Variants in GLIS3 observed in about 807,000 individuals in gnomAD.
The protein encoded by GLIS3 is GLIS family zinc finger 3, also known as zinc finger protein GLIS3.
A neutral mutation model predicts 78.6 loss-of-function variants in GLIS3; 53 were observed. The observed-to-expected ratio is 0.67, with a 90% CI of 0.54 to 0.85. The LOEUF is 0.85. GLIS3 is among the 40% of genes least tolerant of loss of function. The pLI is 0.00. For missense variants in GLIS3, 1,703 were observed against 1,231.1 expected (o/e 1.38, Z -5.74); for synonymous variants, 684 against 509.9 (o/e 1.34, Z -4.60).
chr9:4,335,034 G>T, intron 2 of GLIS3, among the ~76,000 whole-genome samples: 1 of 145,270 alleles, frequency 6.9e-6, no homozygotes, highest in South Asian at 2.3e-4. Flanking sequence ...TCAGCCTCCC[G>T]AGTAGCTGGG....
chr9:3,998,688 T>C (rs1193963476), intron 4 of GLIS3, among the ~76,000 whole-genome samples: 8 of 151,214 alleles, frequency 5.3e-5, no homozygotes, highest in Admixed American at 5.3e-4. Flanking sequence ...GTTAGAATTC[T>C]TTTCTTTCTG....
intron 2 of GLIS3, among the ~76,000 whole-genome samples, chr9:4,255,263 G>T (rs541798120): frequency 1.3e-5 from 2 of 152,168 alleles, no homozygotes; most frequent in African/African-American, 4.8e-5. Context: ...AGTGCTGGTG[G>T]GTATGCAAAA....
chr9:4,066,893 C>A (rs1441042972), intron 4 of GLIS3, among the ~76,000 whole-genome samples: 1 of 152,190 alleles, frequency 6.6e-6, no homozygotes, highest in African/African-American at 2.4e-5. Context: ...CAGCGGGCAT[C>A]TTTCCGTGGA....
chr9:4,115,637 C>G (rs1192759571), intron 4 of GLIS3, among the ~76,000 whole-genome samples: 2 of 151,944 alleles, frequency 1.3e-5, no homozygotes, highest in Non-Finnish European at 2.9e-5. Context: ...ACAAATCAAG[C>G]AGATGACAAT....
intron 4 of GLIS3, among the ~76,000 whole-genome samples, chr9:4,079,435 G>C (rs1040757396): frequency 1.3e-5 from 2 of 152,168 alleles, no homozygotes; most frequent in Non-Finnish European, 2.9e-5. Flanking sequence ...AAAGCAAAAA[G>C]GGAGCCCACC....
At chr9:3,923,022 C>T (rs1487111743) in intron 6 of GLIS3, among the ~76,000 whole-genome samples, 1 of 152,140 alleles carries the variant, frequency 6.6e-6, no homozygotes, top group African/African-American at 2.4e-5. Flanking sequence ...GATAATTAGC[C>T]AAGTCTCTCA....
intron 4 of GLIS3, among the ~76,000 whole-genome samples, chr9:4,077,800 T>C (rs1238277023): frequency 1.3e-5 from 2 of 152,186 alleles, no homozygotes; most frequent in African/African-American, 4.8e-5. Context: ...GATTCCAGTT[T>C]GTCATTTTGC....
intron 4 of GLIS3, among the ~76,000 whole-genome samples, chr9:4,077,541 C>T (rs1828182893): frequency 6.6e-6 from 1 of 152,186 alleles, no homozygotes; most frequent in Non-Finnish European, 1.5e-5. Flanking sequence ...AAAGCTGATT[C>T]AACAACAGAA....
chr9:4,331,591 T>C (rs1183302212), intron 2 of GLIS3, among the ~76,000 whole-genome samples: 2 of 152,132 alleles, frequency 1.3e-5, no homozygotes, highest in Admixed American at 6.5e-5. Flanking sequence ...TGCAGGGAAA[T>C]CTATGGAGCC....
At chr9:4,467,729 AC>A in the GLIS3 span, among the ~76,000 whole-genome samples, 1 of 152,170 alleles carries the variant, frequency 6.6e-6, no homozygotes, top group Non-Finnish European at 1.5e-5. Context: ...GGGCCTCTTC[AC>A]CCCCAAAGGA....
intron 2 of GLIS3, among the ~76,000 whole-genome samples, chr9:4,194,911 A>G (rs1008743365): frequency 1.3e-5 from 2 of 152,240 alleles, no homozygotes; most frequent in East Asian, 3.8e-4. Flanking sequence ...GCAGGAGGCC[A>G]TTTTTAATCC....
rs557604466 is a variant in GLIS3, at chr9:4,298,533, G to A, written c.-99+888C>T. 55 of 376,100 alleles carry A rather than the reference G, an allele frequency of 1.5e-4. 1 individual carries two copies. The highest frequency in any genetic ancestry group is 9.4e-4 in the South Asian group (48 of 51,118). 23.3% of individuals were successfully genotyped at this position (376,100 alleles called of 1,614,324 possible). On this transcript the variant is annotated intron_variant, in intron 1 of 10. Coordinates refer to ENST00000381971, the MANE Select transcript of GLIS3 (RefSeq NM_001042413.2). ...CAAGGTGTGTGTCTAGGAGAGAGCC[G>A]GCGGCTCACTCACGCTTTCCAGAGA...
chr9:4,484,404 ATTTTTTTTTTTTTTTTT>A, the GLIS3 span, among the ~76,000 whole-genome samples: 2 of 49,736 alleles, frequency 4.0e-5, no homozygotes, highest in Non-Finnish European at 6.7e-5. Flanking sequence ...TGCCAGGCTA[ATTTTTTTTTTTTTTTTT>A]TTTTTTTTTT....
At chr9:4,451,497 A>G in the GLIS3 span, among the ~76,000 whole-genome samples, 1 of 152,288 alleles carries the variant, frequency 6.6e-6, no homozygotes, top group South Asian at 2.1e-4. Flanking sequence ...CACCAAGTGA[A>G]CCTAATAGAC....
intron 2 of GLIS3, among the ~76,000 whole-genome samples, chr9:4,198,674 C>G (rs558307964): frequency 6.6e-6 from 1 of 152,180 alleles, no homozygotes; most frequent in Non-Finnish European, 1.5e-5. Context: ...CCCAATCTTG[C>G]TAGAGAGGCA....
chr9:4,449,103 G>C, the GLIS3 span, among the ~76,000 whole-genome samples: 1 of 152,146 alleles, frequency 6.6e-6, no homozygotes, highest in Non-Finnish European at 1.5e-5. Flanking sequence ...GGAAAATCGG[G>C]ACACTCCCAC....
At chr9:3,840,831 A>G (rs1818667625) in intron 9 of GLIS3, among the ~76,000 whole-genome samples, 1 of 152,190 alleles carries the variant, frequency 6.6e-6, no homozygotes, top group South Asian at 2.1e-4. Context: ...CACTCTGAAC[A>G]TGCTGGGTAC....
intron 2 of GLIS3, among the ~76,000 whole-genome samples, chr9:4,247,090 T>C (rs922890755): frequency 4.6e-5 from 7 of 152,226 alleles, no homozygotes; most frequent in Non-Finnish European, 8.8e-5. Flanking sequence ...TCAGCCCTCC[T>C]TGCCTTGGTC....
At chr9:3,890,503 GAAAGAAA>G (rs1822358167) in intron 7 of GLIS3, among the ~76,000 whole-genome samples, 1 of 151,986 alleles carries the variant, frequency 6.6e-6, no homozygotes, top group East Asian at 1.9e-4. Flanking sequence ...AAGCAAGAAG[GAAAGAAA>G]AAAAGAGAAA....
Sources: allele counts gnomAD v4.1 joint callset (sites outside exome capture counted in the v4.1 genomes callset), GRCh38; gene constraint gnomAD v4.1.1; transcripts MANE v1.5; gene names NCBI Gene and HGNC (gene_info 2026-07-23, HGNC 2026-07-21).